The following GPR158 variants were observed in gnomAD, a reference collection of about 807,000 sequenced individuals.
GPR158 encodes G protein-coupled receptor 158, also known as metabotropic glycine receptor.
A neutral mutation model predicts 78.2 loss-of-function variants in GPR158; 30 were observed. That is an observed-to-expected ratio of 0.38 (90% CI 0.29 to 0.52). The LOEUF is 0.52. Ranked by LOEUF, GPR158 falls within the 20% of genes least tolerant of loss-of-function variation. The pLI, the probability that GPR158 is intolerant of heterozygous loss-of-function variation, is 0.83. For missense variants in GPR158, 1,463 were observed against 1,523.5 expected, an observed-to-expected ratio of 0.96 and a Z score of 0.66; for synonymous variants, 581 against 591.1, an observed-to-expected ratio of 0.98 and a Z score of 0.25.
chr10:25,448,138 G>A lies in GPR158; in HGVS notation c.1336-18513G>A, dbSNP rs561352950. On this transcript the variant is annotated intron_variant, in intron 4 of 10. Transcript: ENST00000376351. ...CTCGTTCTGTCACCCAGGCTGGAGT[G>A]CAGTGGTGTGATCTAGGCTCACTGC... is the stretch of plus-strand genomic sequence containing the variant. 1.1e-4 allele frequency among the ~76,000 whole-genome samples: 17 copies of A among 148,234 alleles called. No homozygotes were observed. In the South Asian group the frequency reaches 3.6e-3, roughly 32 times the overall value.
intron 2 of GPR158, among the ~76,000 whole-genome samples, chr10:25,377,320 T>C (rs1377309569): frequency 6.6e-6 from 1 of 152,040 alleles, no homozygotes; most frequent in East Asian, 1.9e-4. Context: ...GTCTGTATTA[T>C]ATTTTTAGTT....
chr10:25,559,150 AGTT>A (rs994106729), intron 6 of GPR158, among the ~76,000 whole-genome samples: 83 of 152,306 alleles, frequency 5.4e-4, no homozygotes, highest in African/African-American at 1.9e-3. Flanking sequence ...AAACATTTAG[AGTT>A]GTTATGTCCT....
At chr10:25,357,787 C>T (rs2130528797) in intron 2 of GPR158, among the ~76,000 whole-genome samples, 1 of 146,310 alleles carries the variant, frequency 6.8e-6, no homozygotes, top group Middle Eastern at 3.5e-3. Context: ...GTCAGAGCTC[C>T]CACAGTCCCT....
intron 1 of GPR158, among the ~76,000 whole-genome samples, chr10:25,186,433 A>G (rs1852686391): frequency 1.3e-5 from 2 of 152,210 alleles, no homozygotes; most frequent in Admixed American, 6.5e-5. Context: ...TGAATCCAGG[A>G]GCTGTTTTTT....
At chr10:25,594,223 C>T in intron 8 of GPR158, 69 bp from the exon 9 acceptor site, 2 of 815,822 alleles carry the variant, frequency 2.5e-6, no homozygotes, top group East Asian at 2.5e-5. Flanking sequence ...AAAAGAGTTC[C>T]CAAGTAATCC....
intron 10 of GPR158, among the ~76,000 whole-genome samples, chr10:25,597,476 AAAG>A (rs1372833323): frequency 6.6e-6 from 1 of 152,248 alleles, no homozygotes; most frequent in African/African-American, 2.4e-5. Context: ...ACAAAACACA[AAAG>A]AATCAGAAAA....
At chr10:25,580,115 A>G (rs116061440) in intron 7 of GPR158, among the ~76,000 whole-genome samples, 2,401 of 152,346 alleles carry the variant, frequency 0.016, 50 homozygotes, top group African/African-American at 0.055. Flanking sequence ...CACATTGAAA[A>G]GAAAGACGTA....
At chr10:25,247,078 C>A (rs924567861) in intron 2 of GPR158, among the ~76,000 whole-genome samples, 1 of 152,094 alleles carries the variant, frequency 6.6e-6, no homozygotes, top group Admixed American at 6.6e-5. Context: ...CCAGAAAGAT[C>A]CAATCTGTTT....
intron 4 of GPR158, among the ~76,000 whole-genome samples, chr10:25,420,397 C>A (rs1264848062): frequency 2.0e-5 from 3 of 152,184 alleles, no homozygotes; most frequent in Non-Finnish European, 4.4e-5. Flanking sequence ...AAGCAATCCT[C>A]CTGCCCCAGC....
chr10:25,528,549 A>T (rs1181952952), intron 5 of GPR158, among the ~76,000 whole-genome samples: 1 of 151,910 alleles, frequency 6.6e-6, no homozygotes, highest in Admixed American at 6.5e-5. Flanking sequence ...AGTACCTAAA[A>T]GCACTAAATA....
intron 2 of GPR158, among the ~76,000 whole-genome samples, chr10:25,373,327 AAAC>A (rs1834030019): frequency 6.6e-6 from 1 of 151,942 alleles, no homozygotes; most frequent in African/African-American, 2.4e-5. Flanking sequence ...AGAGAAAAAA[AAAC>A]TGTTCGGTAC....
intron 5 of GPR158, among the ~76,000 whole-genome samples, chr10:25,515,963 T>C (rs1427283389): frequency 1.3e-5 from 2 of 151,462 alleles, no homozygotes; most frequent in Non-Finnish European, 3.0e-5. Flanking sequence ...CCACAATGGT[T>C]GAACTAGTTT....
intron 4 of GPR158, among the ~76,000 whole-genome samples, chr10:25,443,644 C>CA (rs1345596955): frequency 5.4e-5 from 8 of 148,152 alleles, no homozygotes; most frequent in Non-Finnish European, 8.9e-5. Flanking sequence ...TGACCTCAAG[C>CA]GATCATTCCA....
chr10:25,506,376 T>C (rs149042029), intron 5 of GPR158, among the ~76,000 whole-genome samples: 4 of 152,310 alleles, frequency 2.6e-5, no homozygotes, highest in African/African-American at 7.2e-5. Flanking sequence ...CTTAGGCAGA[T>C]CTCTCAGGCT....
At chr10:25,318,890 G>T (rs1854902998) in intron 2 of GPR158, among the ~76,000 whole-genome samples, 1 of 152,190 alleles carries the variant, frequency 6.6e-6, no homozygotes, top group Admixed American at 6.5e-5. Flanking sequence ...GAACACAGGA[G>T]ATTGTGTGTC....
At chr10:25,319,928 A>G (rs1854922075) in intron 2 of GPR158, among the ~76,000 whole-genome samples, 2 of 151,768 alleles carry the variant, frequency 1.3e-5, no homozygotes, top group South Asian at 4.2e-4. Flanking sequence ...TGATGGAGAT[A>G]GCAAAAAGGT....
intron 1 of GPR158, among the ~76,000 whole-genome samples, chr10:25,182,452 C>T (rs774010207): frequency 6.6e-6 from 1 of 152,174 alleles, no homozygotes; most frequent in Non-Finnish European, 1.5e-5. Context: ...AAAAGGGTTA[C>T]ATGTTGTGGT....
chr10:25,430,776 TAATA>T (rs1395619347), intron 4 of GPR158, among the ~76,000 whole-genome samples: 2 of 146,772 alleles, frequency 1.4e-5, no homozygotes, highest in Non-Finnish European at 3.0e-5. Flanking sequence ...ATTCCCTATT[TAATA>T]AATGGTGCTG....
In GPR158 at chr10:25,601,596, A is replaced by C. The variant is rs1339262019; in HGVS notation, c.*2322A>C. On this transcript the variant is annotated 3_prime_UTR_variant, in exon 11 of 11. Coordinates refer to ENST00000376351, the MANE Select transcript of GPR158 (RefSeq NM_020752.3). ...AAATTATATCTTAGCGACATTCTAT[A>C]GTTCATAGATTATTCTCCACCAGCA... is the stretch of plus-strand genomic sequence containing the variant. The C allele has an allele frequency of 6.6e-6, 1 of 152,652 alleles. No individual in the cohort carries two copies. Among genetic ancestry groups the C allele is most frequent in the Non-Finnish European group, 1.5e-5 (1 of 68,046 alleles). The allele number at this position is 152,652 out of a possible 1,614,324, so 9.5% of individuals were successfully genotyped here.
Sources: allele counts gnomAD v4.1 joint callset (sites outside exome capture counted in the v4.1 genomes callset), GRCh38; gene constraint gnomAD v4.1.1; transcripts MANE v1.5; gene names NCBI Gene and HGNC (gene_info 2026-07-23, HGNC 2026-07-21).